Variants in NAALADL2 observed in about 807,000 individuals in gnomAD.
The protein encoded by NAALADL2 is N-acetylated alpha-linked acidic dipeptidase like 2.
In NAALADL2, 76 loss-of-function variants were observed where a neutral mutation model predicts 87.2. The ratio of observed to expected loss-of-function variants is 0.87; its 90% CI spans 0.72 to 1.05. The LOEUF is 1.05. Among genes scored for constraint, NAALADL2 ranks in the 50% least tolerant of loss-of-function variants. The probability of loss-of-function intolerance (pLI) is 0.00; values close to 1 mark genes in which losing one functional copy is unlikely to be tolerated. For missense variants in NAALADL2, 1,089 were observed against 945.8 expected (o/e 1.15, Z -1.99); for synonymous variants, 354 against 331.0 (o/e 1.07, Z -0.75).
At chr3:175,261,962 T>C (rs13094205) in intron 4 of NAALADL2, among the ~76,000 whole-genome samples, 72,573 of 151,826 alleles carry the variant, frequency 0.48, 17,885 homozygotes, top group South Asian at 0.67. Context: ...GAAATGAGAA[T>C]TGGTATTTGT....
intron 1 of NAALADL2, among the ~76,000 whole-genome samples, chr3:174,445,242 T>C (rs1258814411): frequency 6.6e-6 from 1 of 152,094 alleles, no homozygotes; most frequent in African/African-American, 2.4e-5. Context: ...TTTAGGTTGT[T>C]AGGTTTCCAA....
At position 175,809,814 on chromosome 3, in the gene NAALADL2, ATG is replaced by A; in HGVS notation, c.*6613_*6614del. 6.6e-6 allele frequency: 1 copy of A among 152,084 alleles called. No individual in the cohort carries two copies. Among genetic ancestry groups the A allele is most frequent in the African/African-American group, 2.4e-5 (1 of 41,442 alleles). The allele number at this position is 152,084 out of a possible 1,614,324, so 9.4% of individuals were successfully genotyped here. On this transcript the variant is annotated 3_prime_UTR_variant, in exon 14 of 14. Coordinates refer to ENST00000454872, the MANE Select transcript of NAALADL2 (RefSeq NM_207015.3). Reference sequence around the variant, plus strand: ...GTATTCAATGTAGCAGCATTTAGATATGTAAGATTTTAGAAGTAAAATCTCAG... The same window carrying A: ...GTATTCAATGTAGCAGCATTTAGATATAAGATTTTAGAAGTAAAATCTCAG...
At position 174,787,599 on chromosome 3, in the gene NAALADL2, A is replaced by ATACATATATATATATATATATG. The variant is rs1560225659; in HGVS notation, c.-9+49855_-9+49856insCATATATATATATATATATGTA. On this transcript the variant is annotated intron_variant, in intron 3 of 3. Transcript: ENST00000434257. ...ATCATATATATATATATATATATAT[A>ATACATATATATATATATATATG]TATATATATATATATATATATAGTA... is the stretch of plus-strand genomic sequence containing the variant. 1.5e-4 allele frequency among the ~76,000 whole-genome samples: 10 copies of ATACATATATATATATATATATG among 67,882 alleles called. 1 individual carries two copies. The highest frequency in any genetic ancestry group is 3.2e-4 in the Non-Finnish European group (10 of 31,434). The allele number at this position is 67,882 out of a possible 152,430, so 44.5% of individuals were successfully genotyped here. A position where few individuals can be genotyped will look rare whatever the true frequency, so the allele number is the denominator to read the frequency against.
chr3:175,130,699 T>C (rs1240231300), intron 2 of NAALADL2, among the ~76,000 whole-genome samples: 4 of 152,216 alleles, frequency 2.6e-5, no homozygotes, highest in Admixed American at 2.6e-4. Context: ...TTGTTTCTCT[T>C]TAAGCCATCT....
At chr3:175,196,180 G>A (rs1738972708) in intron 2 of NAALADL2, among the ~76,000 whole-genome samples, 1 of 151,890 alleles carries the variant, frequency 6.6e-6, no homozygotes, top group African/African-American at 2.4e-5. Flanking sequence ...AAAAGCTGGT[G>A]TTTATCTTTT....
chr3:174,838,453 TCAC>T (rs1266398461), intron 3 of NAALADL2, among the ~76,000 whole-genome samples: 1 of 152,112 alleles, frequency 6.6e-6, no homozygotes, highest in Non-Finnish European at 1.5e-5. Context: ...ATGCCGTCTC[TCAC>T]CACTCCTCTC....
At chr3:175,473,982 C>T (rs188513460) in intron 9 of NAALADL2, among the ~76,000 whole-genome samples, 2 of 152,292 alleles carry the variant, frequency 1.3e-5, no homozygotes, top group East Asian at 3.9e-4. Flanking sequence ...AATCTCCATA[C>T]TGTTTTCCCT....
At chr3:174,926,784 G>GAA (rs1396388202) in intron 1 of NAALADL2, among the ~76,000 whole-genome samples, 1 of 152,168 alleles carries the variant, frequency 6.6e-6, no homozygotes. Flanking sequence ...ATGCTAGGAA[G>GAA]AAACTGCATC....
At chr3:175,777,564 C>T (rs1750418100) in intron 13 of NAALADL2, among the ~76,000 whole-genome samples, 4 of 152,020 alleles carry the variant, frequency 2.6e-5, no homozygotes, top group Non-Finnish European at 2.9e-5. Context: ...ACACAATGAA[C>T]GAGAAACTCG....
chr3:175,013,090 A>T (rs1341425924), intron 1 of NAALADL2, among the ~76,000 whole-genome samples: 23 of 58,850 alleles, frequency 3.9e-4, no homozygotes, highest in Admixed American at 1.0e-3. Context: ...ATACATATTT[A>T]TATATAAATA....
chr3:175,049,194 T>C (rs1755054121), intron 1 of NAALADL2, among the ~76,000 whole-genome samples: 1 of 152,084 alleles, frequency 6.6e-6, no homozygotes, highest in Admixed American at 6.6e-5. Context: ...TGATTTAGTA[T>C]TGGAACAAAT....
chr3:174,908,019 T>G (rs951587969), intron 1 of NAALADL2, among the ~76,000 whole-genome samples: 2 of 136,802 alleles, frequency 1.5e-5, no homozygotes, highest in African/African-American at 5.8e-5. Context: ...AGAGAGAAGT[T>G]GGTTTTTTTT....
At chr3:175,339,191 A>G (rs1762338151) in intron 5 of NAALADL2, among the ~76,000 whole-genome samples, 1 of 152,224 alleles carries the variant, frequency 6.6e-6, no homozygotes, top group Non-Finnish European at 1.5e-5. Flanking sequence ...GTCACATCAA[A>G]CATTGTCTAG....
At chr3:174,543,102 C>T (rs1388629035) in intron 1 of NAALADL2, among the ~76,000 whole-genome samples, 1 of 152,118 alleles carries the variant, frequency 6.6e-6, no homozygotes, top group Non-Finnish European at 1.5e-5. Context: ...ACATTAGTGA[C>T]TTGAGCAGAG....
At chr3:175,474,815 T>G (rs1479576912) in intron 9 of NAALADL2, among the ~76,000 whole-genome samples, 1 of 152,070 alleles carries the variant, frequency 6.6e-6, no homozygotes, top group Non-Finnish European at 1.5e-5. Flanking sequence ...TTGGTTCTTA[T>G]GAAGGTTTTT....
At chr3:174,485,968 C>G (rs1250948265) in intron 1 of NAALADL2, among the ~76,000 whole-genome samples, 1 of 151,928 alleles carries the variant, frequency 6.6e-6, no homozygotes, top group Non-Finnish European at 1.5e-5. Flanking sequence ...CCAATTATCC[C>G]AGCACCATTT....
chr3:175,148,193 C>G (rs1731056914), intron 2 of NAALADL2, among the ~76,000 whole-genome samples: 1 of 150,992 alleles, frequency 6.6e-6, no homozygotes, highest in South Asian at 2.1e-4. Flanking sequence ...TTGCGTTTCT[C>G]TGGTGATTAG....
At chr3:175,305,228 G>A (rs1438632543) in intron 4 of NAALADL2, among the ~76,000 whole-genome samples, 9 of 138,580 alleles carry the variant, frequency 6.5e-5, no homozygotes, top group Admixed American at 6.3e-4. Context: ...TGCTTACATG[G>A]TGTGTGTGTG....
intron 2 of NAALADL2, among the ~76,000 whole-genome samples, chr3:174,696,563 A>C (rs1231525407): frequency 6.7e-6 from 1 of 149,028 alleles, no homozygotes; most frequent in East Asian, 2.0e-4. Context: ...ATCTTTGAAA[A>C]AAATTAGGGG....
Sources: allele counts gnomAD v4.1 joint callset (sites outside exome capture counted in the v4.1 genomes callset), GRCh38; gene constraint gnomAD v4.1.1; transcripts MANE v1.5; gene names NCBI Gene and HGNC (gene_info 2026-07-23, HGNC 2026-07-21).